KAZN: variants seen among roughly 807,000 people sequenced by gnomAD.
The protein encoded by KAZN is kazrin, periplakin interacting protein, also known as kazrin.
Under a neutral mutation model 87.4 loss-of-function variants are expected in KAZN, and 40 were observed. The ratio of observed to expected loss-of-function variants is 0.46; its 90% CI spans 0.36 to 0.60. KAZN has a LOEUF of 0.60. Ranked by LOEUF, KAZN falls within the 20% of genes least tolerant of loss-of-function variation. The pLI is 0.00. For synonymous variants in KAZN, 466 were observed against 458.3 expected, an observed-to-expected ratio of 1.02 and a Z score of -0.22; for missense variants, 898 against 1,073.9, an observed-to-expected ratio of 0.84 and a Z score of 2.29.
rs929965488 is a variant in KAZN at position 13,936,731 on chromosome 1, T to G, written c.91+42975T>G. ...CATTCTTTTTAATGGCTGGGTAGTA[T>G]TCCATGGTGTATGTATATGTGTACA... On this transcript the variant is annotated intron_variant, in intron 1 of 16. Coordinates refer to the KAZN transcript ENST00000636203. 2.6e-5 allele frequency among the ~76,000 whole-genome samples: 4 copies of G among 152,362 alleles called. No individual in the cohort carries two copies. The East Asian group carries it at 7.7e-4, about 29-fold the overall frequency.
intron 2 of KAZN, among the ~76,000 whole-genome samples, chr1:14,417,249 C>T (rs1664869787): frequency 6.6e-6 from 1 of 151,862 alleles, no homozygotes; most frequent in South Asian, 2.1e-4. Flanking sequence ...GTTATTATTC[C>T]ATTGATGAAA....
At chr1:14,374,905 G>C (rs1011456685) in intron 2 of KAZN, among the ~76,000 whole-genome samples, 1 of 152,126 alleles carries the variant, frequency 6.6e-6, no homozygotes, top group Non-Finnish European at 1.5e-5. Context: ...GATTAACCAA[G>C]AGCGATCACA....
Position 14,735,571 on chromosome 1 carries a change from A to T in KAZN, c.226+136348A>T, listed in dbSNP as rs1250527455. ...GAATGTGCTAAACCCCACACACCTAACGGCCGTTTTCACATGGCAGCCCCC... is the reference window on the plus strand; with the variant it reads ...GAATGTGCTAAACCCCACACACCTATCGGCCGTTTTCACATGGCAGCCCCC... On this transcript the variant is annotated intron_variant, in intron 1 of 14. Coordinates refer to ENST00000376030, the MANE Select transcript of KAZN (RefSeq NM_201628.3). The surrounding 1 kb of genome is among the most constrained non-coding windows in gnomAD (Gnocchi z 4.3). Among the ~76,000 whole-genome samples, 5 of 151,948 alleles carry T rather than the reference A, an allele frequency of 3.3e-5. No homozygotes were observed. Among genetic ancestry groups the T allele is most frequent in the African/African-American group, 1.2e-4 (5 of 41,366 alleles).
At chr1:14,925,132 T>C (rs1037069102) in intron 1 of KAZN, among the ~76,000 whole-genome samples, 2 of 152,354 alleles carry the variant, frequency 1.3e-5, no homozygotes, top group Admixed American at 6.5e-5. Flanking sequence ...TAATTGCGTT[T>C]GGTTGGCGAA....
At chr1:13,959,203 A>T (rs1400348196) in intron 1 of KAZN, among the ~76,000 whole-genome samples, 1 of 152,178 alleles carries the variant, frequency 6.6e-6, no homozygotes, top group African/African-American at 2.4e-5. Flanking sequence ...CCAGGTGAGG[A>T]TGTAGCCGAG....
intron 2 of KAZN, among the ~76,000 whole-genome samples, chr1:15,001,398 G>A (rs1004487337): frequency 5.3e-5 from 8 of 151,834 alleles, no homozygotes; most frequent in African/African-American, 1.2e-4. Flanking sequence ...CCCAGGAGGC[G>A]GAGGTTGCAG....
At chr1:15,025,162 A>G (rs922596708) in intron 2 of KAZN, among the ~76,000 whole-genome samples, 3 of 113,346 alleles carry the variant, frequency 2.6e-5, no homozygotes, top group Non-Finnish European at 5.8e-5. Context: ...CCCTCCAGGA[A>G]CTTAATATCA....
intron 1 of KAZN, among the ~76,000 whole-genome samples, chr1:14,109,564 A>T (rs1335009856): frequency 6.6e-6 from 1 of 152,034 alleles, no homozygotes; most frequent in Non-Finnish European, 1.5e-5. Flanking sequence ...TAAAATCTAT[A>T]ATGTCCTTTC....
chr1:13,932,404 G>A (rs1378405767), intron 1 of KAZN, among the ~76,000 whole-genome samples: 15 of 150,702 alleles, frequency 1.0e-4, no homozygotes, highest in African/African-American at 3.6e-4. Flanking sequence ...GGGACTACAG[G>A]CGCCCGCCAC....
chr1:14,601,917 A>G (rs1415124434), intron 1 of KAZN, among the ~76,000 whole-genome samples: 1 of 152,252 alleles, frequency 6.6e-6, no homozygotes, highest in East Asian at 1.9e-4. Context: ...TAACTTTAAC[A>G]ATATTAGTAC....
At chr1:14,180,491 T>C in exon 2 of KAZN, 1 of 1,550,410 alleles carries the variant, frequency 6.4e-7, no homozygotes, top group Non-Finnish European at 8.7e-7. Context: ...TGTCACCAAG[T>C]CGAAGGCACT....
At chr1:14,466,979 TAATTA>T (rs1194302575) in intron 2 of KAZN, among the ~76,000 whole-genome samples, 1 of 152,054 alleles carries the variant, frequency 6.6e-6, no homozygotes, top group Non-Finnish European at 1.5e-5. Context: ...AAAAAAAAAT[TAATTA>T]AATAAATAAA....
At chr1:14,705,475 C>A (rs1642160976) in intron 1 of KAZN, among the ~76,000 whole-genome samples, 1 of 152,210 alleles carries the variant, frequency 6.6e-6, no homozygotes, top group African/African-American at 2.4e-5. Flanking sequence ...GAGACACCTG[C>A]ACCCCCATGT....
At chr1:13,935,858 C>A (rs1640708368) in intron 1 of KAZN, among the ~76,000 whole-genome samples, 1 of 111,482 alleles carries the variant, frequency 9.0e-6, no homozygotes, top group Non-Finnish European at 1.8e-5. Context: ...ACTTTTACAT[C>A]CTAATGTGTG....
chr1:14,876,839 T>G (rs1652819594), intron 1 of KAZN, among the ~76,000 whole-genome samples: 1 of 152,206 alleles, frequency 6.6e-6, no homozygotes, highest in African/African-American at 2.4e-5. Flanking sequence ...GGGGAAGTCT[T>G]GTCTTACCAC....
chr1:14,772,528 A>G (rs199985995), intron 1 of KAZN, among the ~76,000 whole-genome samples: 27,097 of 124,332 alleles, frequency 0.22, 2,765 homozygotes, highest in South Asian at 0.38. Flanking sequence ...AGATTGAGAA[A>G]AAAAAAAAAA....
At chr1:14,519,061 G>A (rs1169852141) in intron 2 of KAZN, among the ~76,000 whole-genome samples, 1 of 152,180 alleles carries the variant, frequency 6.6e-6, no homozygotes, top group Non-Finnish European at 1.5e-5. Context: ...TAGGAAGGGA[G>A]TAAGGGAAGC....
intron 1 of KAZN, among the ~76,000 whole-genome samples, chr1:14,162,654 C>T (rs7538725): frequency 0.1 from 15,801 of 151,534 alleles, 1,005 homozygotes; most frequent in East Asian, 0.33. Flanking sequence ...ACGCCATTCT[C>T]CTGCCTCAGC....
At chr1:14,195,141 A>T (rs1272848883) in intron 2 of KAZN, among the ~76,000 whole-genome samples, 1 of 152,162 alleles carries the variant, frequency 6.6e-6, no homozygotes, top group Non-Finnish European at 1.5e-5. Context: ...ATATTTTTTT[A>T]AATTCTATAA....
Sources: allele counts gnomAD v4.1 joint callset (sites outside exome capture counted in the v4.1 genomes callset), GRCh38; gene constraint gnomAD v4.1.1; non-coding constraint Gnocchi (gnomAD v3.1); transcripts MANE v1.5; gene names NCBI Gene and HGNC (gene_info 2026-07-23, HGNC 2026-07-21).